Variants in PDZRN4 observed in about 807,000 individuals in gnomAD.
PDZRN4 encodes PDZ domain-containing RING finger protein 4.
In PDZRN4, 70 loss-of-function variants were observed where a neutral mutation model predicts 99.0. The ratio of observed to expected loss-of-function variants is 0.71; its 90% CI spans 0.58 to 0.86. PDZRN4 has a LOEUF of 0.86. Among genes scored for constraint, PDZRN4 ranks in the 40% least tolerant of loss-of-function variants. The probability of loss-of-function intolerance (pLI) is 0.00; values close to 1 mark genes in which losing one functional copy is unlikely to be tolerated. For missense variants in PDZRN4, 1,474 were observed against 1,331.2 expected, an observed-to-expected ratio of 1.11 and a Z score of -1.67; for synonymous variants, 551 against 501.6, an observed-to-expected ratio of 1.10 and a Z score of -1.32.
intron 3 of PDZRN4, among the ~76,000 whole-genome samples, chr12:41,325,970 G>A (rs961579462): frequency 1.9e-4 from 29 of 151,942 alleles, no homozygotes; most frequent in Middle Eastern, 3.4e-3. Context: ...CAGTGCTTTC[G>A]ATGTTTCTCT....
At chr12:41,259,420 CT>C (rs1951223368) in intron 3 of PDZRN4, among the ~76,000 whole-genome samples, 1 of 152,110 alleles carries the variant, frequency 6.6e-6, no homozygotes, top group Non-Finnish European at 1.5e-5. Flanking sequence ...ATGTTATAGC[CT>C]TTTAAAAACA....
chr12:41,476,231 G>T (rs1423522311), intron 3 of PDZRN4, among the ~76,000 whole-genome samples: 1 of 152,186 alleles, frequency 6.6e-6, no homozygotes, highest in African/African-American at 2.4e-5. Flanking sequence ...CTCTTTGTTA[G>T]GTTGACTTTA....
intron 3 of PDZRN4, among the ~76,000 whole-genome samples, chr12:41,278,162 C>G (rs1484747450): frequency 6.6e-6 from 1 of 152,114 alleles, no homozygotes; most frequent in South Asian, 2.1e-4. Context: ...TTGTTATATG[C>G]GTGACTCATA....
At chr12:41,194,313 G>A in intron 3 of PDZRN4, 125 bp downstream of exon 3, 1 of 641,888 alleles carries the variant, frequency 1.6e-6, no homozygotes, top group Middle Eastern at 3.3e-4. Flanking sequence ...TAGCAGTAAA[G>A]GCATTATCAT....
intron 3 of PDZRN4, among the ~76,000 whole-genome samples, chr12:41,422,128 T>A (rs567861451): frequency 6.6e-6 from 1 of 152,312 alleles, no homozygotes; most frequent in East Asian, 1.9e-4. Context: ...TTGCTTTCAT[T>A]TGTAATTTTA....
At chr12:41,548,137 G>A (rs891277108) in intron 5 of PDZRN4, among the ~76,000 whole-genome samples, 1 of 152,176 alleles carries the variant, frequency 6.6e-6, no homozygotes, top group Non-Finnish European at 1.5e-5. Flanking sequence ...TGAATAATTT[G>A]GAGTTGGAGG....
rs142816818 is a variant in PDZRN4 at position 41,362,507 on chromosome 12, T to A, written c.844-143949T>A. 3.1e-3 allele frequency among the ~76,000 whole-genome samples: 475 copies of A among 152,194 alleles called. 5 individuals carry two copies. Among genetic ancestry groups the A allele is most frequent in the African/African-American group, 0.011 (451 of 41,554 alleles). On this transcript the variant is annotated intron_variant, in intron 3 of 9. Transcript: ENST00000402685. Reference sequence around the variant, plus strand: ...CATAAGATGGAGGCTATATATATATTTTTTCTTTAGGGAAGTAAAGTCTTA... The same window carrying A: ...CATAAGATGGAGGCTATATATATATATTTTCTTTAGGGAAGTAAAGTCTTA...
At chr12:41,209,301 C>A (rs1236692064) in intron 3 of PDZRN4, among the ~76,000 whole-genome samples, 1 of 151,402 alleles carries the variant, frequency 6.6e-6, no homozygotes, top group Non-Finnish European at 1.5e-5. Flanking sequence ...TATCCATAAG[C>A]ACAATGTCAA....
In PDZRN4 at chr12:41,445,328, A is replaced by G. The variant is rs74078856; in HGVS notation, c.844-61128A>G. Among the ~76,000 whole-genome samples the G allele has an allele frequency of 3.9e-3, 596 of 152,214 alleles. 1 individual carries two copies. The highest frequency in any genetic ancestry group is 0.014 in the African/African-American group (578 of 41,566). Reference sequence around the variant, plus strand: ...TTCCAAAACCCATGATCTTATTTACATAATTATTTAACCTGCACATTTGTT... The same window carrying G: ...TTCCAAAACCCATGATCTTATTTACGTAATTATTTAACCTGCACATTTGTT... On this transcript the variant is annotated intron_variant, in intron 3 of 9. Coordinates refer to ENST00000402685, the MANE Select transcript of PDZRN4 (RefSeq NM_001164595.2).
chr12:41,484,917 GATTGTAAC>G (rs537907986), intron 3 of PDZRN4, among the ~76,000 whole-genome samples: 1 of 152,194 alleles, frequency 6.6e-6, no homozygotes, highest in East Asian at 1.9e-4. Flanking sequence ...GCGTCTTTTA[GATTGTAAC>G]CTCCCTCTGG....
At chr12:41,263,773 G>A (rs2120838793) in intron 3 of PDZRN4, among the ~76,000 whole-genome samples, 1 of 152,182 alleles carries the variant, frequency 6.6e-6, no homozygotes, top group Non-Finnish European at 1.5e-5. Flanking sequence ...GAATTTTTGT[G>A]CTTATATTAA....
At chr12:41,518,377 C>A (rs1938438202) in intron 5 of PDZRN4, among the ~76,000 whole-genome samples, 1 of 152,052 alleles carries the variant, frequency 6.6e-6, no homozygotes, top group African/African-American at 2.4e-5. Context: ...GTGTTTTCCT[C>A]TTCTATGTAC....
chr12:41,260,800 C>CT (rs1230938528), intron 3 of PDZRN4, among the ~76,000 whole-genome samples: 1 of 152,086 alleles, frequency 6.6e-6, no homozygotes, highest in Non-Finnish European at 1.5e-5. Context: ...TTTCTATAGT[C>CT]TGCACTTCCT....
At chr12:41,534,816 G>A (rs1331594864) in intron 5 of PDZRN4, among the ~76,000 whole-genome samples, 1 of 151,938 alleles carries the variant, frequency 6.6e-6, no homozygotes. Context: ...ACAATACATA[G>A]TGAAGAAGGT....
At chr12:41,321,307 T>A (rs1281810969) in intron 3 of PDZRN4, among the ~76,000 whole-genome samples, 1 of 152,180 alleles carries the variant, frequency 6.6e-6, no homozygotes, top group Non-Finnish European at 1.5e-5. Context: ...ATGCCTTCAC[T>A]GAGTTAAGAT....
intron 3 of PDZRN4, among the ~76,000 whole-genome samples, chr12:41,318,936 A>G (rs1295321898): frequency 2.0e-5 from 3 of 152,188 alleles, no homozygotes; most frequent in African/African-American, 7.2e-5. Context: ...AGGAAAGATC[A>G]TGTAAAGTTC....
At chr12:41,480,600 C>T (rs529759957) in intron 3 of PDZRN4, among the ~76,000 whole-genome samples, 36 of 152,156 alleles carry the variant, frequency 2.4e-4, no homozygotes, top group South Asian at 8.3e-4. Flanking sequence ...ATATAATAAA[C>T]GAAAACATAT....
At chr12:41,539,905 A>C (rs1438366964) in intron 5 of PDZRN4, among the ~76,000 whole-genome samples, 1 of 152,150 alleles carries the variant, frequency 6.6e-6, no homozygotes, top group Admixed American at 6.5e-5. Flanking sequence ...AGATCAGGAG[A>C]TATTCAGGTC....
chr12:41,565,579 C>A (rs922052440), intron 8 of PDZRN4, among the ~76,000 whole-genome samples: 1 of 150,102 alleles, frequency 6.7e-6, no homozygotes, highest in South Asian at 2.1e-4. Flanking sequence ...TGTGCTTTTT[C>A]TAGCTTTTTT....
Sources: allele counts gnomAD v4.1 joint callset (sites outside exome capture counted in the v4.1 genomes callset), GRCh38; gene constraint gnomAD v4.1.1; transcripts MANE v1.5; gene names NCBI Gene and HGNC (gene_info 2026-07-23, HGNC 2026-07-21).